The following USH2A variants were observed in gnomAD, a reference collection of about 807,000 sequenced individuals.
The protein encoded by USH2A is usherin, also known as Usher syndrome 2A (autosomal recessive, mild).
USH2A carries 443 observed loss-of-function variants against 538.9 expected under a neutral mutation model. The ratio of observed to expected loss-of-function variants is 0.82; its 90% CI spans 0.76 to 0.89. USH2A has a LOEUF of 0.89. USH2A is among the 40% of genes least tolerant of loss of function. The pLI is 0.00. For synonymous variants in USH2A, 2,413 were observed against 2,273.5 expected (o/e 1.06, Z -1.75); for missense variants, 6,633 against 6,324.8 (o/e 1.05, Z -1.65).
At chr1:215,829,669 A>G (rs552429148) in intron 47 of USH2A, among the ~76,000 whole-genome samples, 47 of 152,236 alleles carry the variant, frequency 3.1e-4, no homozygotes, top group Admixed American at 8.5e-4. Context: ...AAACAATACC[A>G]TACACACACA....
chr1:215,873,309 A>T (rs2102446362), intron 43 of USH2A, among the ~76,000 whole-genome samples: 1 of 152,324 alleles, frequency 6.6e-6, no homozygotes, highest in Admixed American at 6.5e-5. Context: ...AATTAACAGG[A>T]TCTATCTCAT....
At chr1:215,988,871 C>T (rs1236843909) in intron 35 of USH2A, among the ~76,000 whole-genome samples, 4 of 152,130 alleles carry the variant, frequency 2.6e-5, no homozygotes, top group African/African-American at 9.7e-5. Flanking sequence ...CAGGACCAGG[C>T]TGGGAGACAA....
At chr1:216,227,240 T>C (rs2035580305) in intron 14 of USH2A, among the ~76,000 whole-genome samples, 1 of 152,208 alleles carries the variant, frequency 6.6e-6, no homozygotes. Flanking sequence ...TGCTAACATG[T>C]ATGTACCACA....
intron 19 of USH2A, chr1:216,195,921 T>C (rs577852086): frequency 7.7e-5 from 13 of 168,192 alleles, no homozygotes; most frequent in East Asian, 3.8e-4. Context: ...TCCTCTAGGA[T>C]TGCTGTATGT....
rs1311229752 is a variant in USH2A, at chr1:215,965,436, T to C, written c.7001A>G (p.Asn2334Ser). Residue 2334 changes from asparagine to serine, a missense_variant, in exon 37 of 72, where the codon AAT (asparagine) becomes AGT (serine). Coordinates refer to ENST00000307340, the MANE Select transcript of USH2A (RefSeq NM_206933.4). ...GGATCCCTGTGTTTTGACAAACACA[T>C]TTACTGTTCCTTCAGGAGGAGCTTC... ...TLEAPPEGTV[N>S]VFVKTQGSRK... 1.2e-6 allele frequency: 2 copies of C among 1,613,770 alleles called. No individual in the cohort carries two copies. Among genetic ancestry groups the C allele is most frequent in the African/African-American group, 2.7e-5 (2 of 75,020 alleles).
Position 215,670,993 on chromosome 1 carries a change from A to G in USH2A, c.14112T>C (p.Pro4704=). 6.2e-7 allele frequency: 1 copy of G among 1,614,188 alleles called. No homozygotes were observed. The highest frequency in any genetic ancestry group is 8.5e-7 in the Non-Finnish European group (1 of 1,180,016). ...STSFIDSELL[P]FTEYEYQVWA... ...TTACCTGATACTCATACTCTGTGAA[A>G]GGCAATAGTTCGGAATCTATAAAAG... Residue 4704 remains proline (P), a synonymous_variant, in exon 64 of 72, where the codon CCT becomes CCC. Coordinates refer to ENST00000307340, the MANE Select transcript of USH2A (RefSeq NM_206933.4).
At chr1:216,132,118 C>T (rs1360331797) in intron 21 of USH2A, among the ~76,000 whole-genome samples, 2 of 152,106 alleles carry the variant, frequency 1.3e-5, no homozygotes, top group Non-Finnish European at 2.9e-5. Flanking sequence ...TAATATTTAT[C>T]TTATTCTGCT....
chr1:216,382,978 GA>G, intron 3 of USH2A, among the ~76,000 whole-genome samples: 1 of 152,184 alleles, frequency 6.6e-6, no homozygotes, highest in East Asian at 1.9e-4. Flanking sequence ...AATATGACCT[GA>G]ATATTCAGCT....
chr1:215,722,660 T>C (rs1187934463), intron 61 of USH2A, among the ~76,000 whole-genome samples: 1 of 152,220 alleles, frequency 6.6e-6, no homozygotes, highest in East Asian at 1.9e-4. Context: ...TTAGTAATTC[T>C]GGATTTTATT....
intron 3 of USH2A, among the ~76,000 whole-genome samples, chr1:216,412,155 GT>G (rs535974280): frequency 4.7e-4 from 71 of 152,066 alleles, no homozygotes; most frequent in Non-Finnish European, 9.3e-4. Context: ...AAGTTTGTTT[GT>G]TTCCAATTTG....
At chr1:216,178,303 T>C (rs1378229997) in intron 20 of USH2A, among the ~76,000 whole-genome samples, 3 of 152,218 alleles carry the variant, frequency 2.0e-5, no homozygotes, top group Non-Finnish European at 4.4e-5. Flanking sequence ...GCATAATTTC[T>C]CTTAGCATTT....
chr1:216,065,360 C>T (rs1434626338), intron 30 of USH2A, among the ~76,000 whole-genome samples: 5 of 152,104 alleles, frequency 3.3e-5, no homozygotes, highest in Non-Finnish European at 7.4e-5. Flanking sequence ...CTAACATAAA[C>T]AATAATCAAC....
At chr1:216,398,236 AG>A (rs1285956327) in intron 3 of USH2A, among the ~76,000 whole-genome samples, 1 of 152,198 alleles carries the variant, frequency 6.6e-6, no homozygotes, top group Non-Finnish European at 1.5e-5. Context: ...ATAATTAAAA[AG>A]CCCTGAACAT....
intron 9 of USH2A, among the ~76,000 whole-genome samples, chr1:216,298,959 A>G (rs61828098): frequency 6.6e-6 from 1 of 151,630 alleles, no homozygotes; most frequent in African/African-American, 2.4e-5. Flanking sequence ...TCCTGCCTCA[A>G]CCTCCCGAGT....
chr1:216,421,924 G>A lies in USH2A; in HGVS notation c.413C>T (p.Ser138Phe), dbSNP rs138882706. Residue 138 changes from serine (S) to phenylalanine (F), a missense_variant, in exon 2 of 72, where the codon TCT (serine) becomes TTT (phenylalanine). By Grantham distance (155) the Ser-to-Phe change is radical. Transcript: ENST00000307340. ...IFGNHKSCFS[S>F]PPSPKLMASF... is the part of the protein sequence containing the mutation. ...TGCCATCAGCTTTGGAGAAGGAGGA[G>A]AAGAAAAGCAGCTCTTGTGATTTCC... 3.5e-5 allele frequency: 56 copies of A among 1,613,838 alleles called. No individual in the cohort carries two copies. Among genetic ancestry groups the A allele is most frequent in the Non-Finnish European group, 4.6e-5 (54 of 1,179,920 alleles).
chr1:215,773,486 C>CTCTG (rs1553260410), intron 55 of USH2A, among the ~76,000 whole-genome samples: 2 of 98,990 alleles, frequency 2.0e-5, no homozygotes, highest in African/African-American at 1.2e-4. Flanking sequence ...GTCTCTCTGT[C>CTCTG]TCTCTGTCTC....
intron 47 of USH2A, among the ~76,000 whole-genome samples, chr1:215,834,448 C>T (rs1013047069): frequency 2.0e-5 from 3 of 152,110 alleles, no homozygotes; most frequent in African/African-American, 7.2e-5. Flanking sequence ...TGAATGGCTA[C>T]ATATTATGTG....
intron 26 of USH2A, among the ~76,000 whole-genome samples, chr1:216,079,510 T>A (rs1192244304): frequency 1.3e-5 from 2 of 152,062 alleles, no homozygotes; most frequent in Non-Finnish European, 2.9e-5. Flanking sequence ...GGACATCAGG[T>A]TCAGAGAAAG....
chr1:216,094,777 T>C (rs1284301106), intron 22 of USH2A, among the ~76,000 whole-genome samples: 2 of 152,164 alleles, frequency 1.3e-5, no homozygotes, highest in Admixed American at 6.6e-5. Flanking sequence ...GCTAAAATCA[T>C]GGTCTTTGGA....
Sources: gnomAD v4.1 joint callset for allele counts (sites outside exome capture counted in the v4.1 genomes callset) on GRCh38, gnomAD v4.1.1 for gene constraint, MANE v1.5 for transcripts, NCBI Gene and HGNC (gene_info 2026-07-23, HGNC 2026-07-21) for gene names.